The following DNMBP variants were observed in gnomAD, a reference collection of about 807,000 sequenced individuals.
The protein encoded by DNMBP is dynamin binding protein.
Under a neutral mutation model 150.0 loss-of-function variants are expected in DNMBP, and 87 were observed. That is an observed-to-expected ratio of 0.58 (90% CI 0.49 to 0.69). The LOEUF (loss-of-function observed/expected upper bound fraction) is 0.69, where lower values mean the gene tolerates loss of function less well. Ranked by LOEUF, DNMBP falls within the 30% of genes least tolerant of loss-of-function variation. DNMBP has a pLI of 0.00. For synonymous variants in DNMBP, 711 were observed against 750.4 expected (o/e 0.95, Z 0.86); for missense variants, 1,774 against 1,949.0 (o/e 0.91, Z 1.69).
chr10:99,998,562 A>G (rs1377111580), intron 1 of DNMBP, among the ~76,000 whole-genome samples: 1 of 146,200 alleles, frequency 6.8e-6, no homozygotes, highest in African/African-American at 2.6e-5. Flanking sequence ...TTTGGGTGAC[A>G]GAGTGAGACT....
chr10:99,926,599 A>G (rs796427561), intron 4 of DNMBP, among the ~76,000 whole-genome samples: 2 of 152,324 alleles, frequency 1.3e-5, no homozygotes, highest in African/African-American at 4.8e-5. Flanking sequence ...GAAAGCCCAC[A>G]TGGGGCAATC....
intron 1 of DNMBP, among the ~76,000 whole-genome samples, chr10:99,985,622 G>A (rs551327229): frequency 5.8e-4 from 88 of 152,238 alleles, no homozygotes; most frequent in African/African-American, 2.0e-3. Flanking sequence ...TTGGGAATGA[G>A]AATCCATTTA....
chr10:100,000,806 T>C (rs2040999229), intron 1 of DNMBP, among the ~76,000 whole-genome samples: 1 of 140,026 alleles, frequency 7.1e-6, no homozygotes, highest in South Asian at 2.2e-4. Flanking sequence ...ATTTTCTCCT[T>C]GAGGAATTGG....
chr10:99,907,951 G>GT, intron 6 of DNMBP, 44 bp downstream of exon 6: 6 of 1,519,900 alleles, frequency 3.9e-6, no homozygotes, highest in Non-Finnish European at 5.5e-6. Context: ...TGCCCATGAA[G>GT]TTTTTTTAAA....
chr10:99,957,129 G>A lies in DNMBP; in HGVS notation c.345C>T (p.Phe115=). 1 of 1,613,244 alleles carries A rather than the reference G, an allele frequency of 6.2e-7. No homozygotes were observed. The highest frequency in any genetic ancestry group is 8.5e-7 in the Non-Finnish European group (1 of 1,180,008). The change falls in exon 4 of 17, where the codon TTC becomes TTT. Residue 115 remains phenylalanine, a synonymous_variant. Coordinates refer to ENST00000324109, the MANE Select transcript of DNMBP (RefSeq NM_015221.4). The stretch of plus-strand genomic sequence containing the variant: ...GCTCGCGGACACATGAAGATGGGAA[G>A]AAGCCCCGTGCGCCCCAGCAGCTTC... ...QGRSCWGARG[F]FPSSCVRELC...
chr10:99,894,004 ATTC>A (rs1426628186), intron 11 of DNMBP, among the ~76,000 whole-genome samples: 1 of 152,176 alleles, frequency 6.6e-6, no homozygotes, highest in Non-Finnish European at 1.5e-5. Context: ...TTTTAAGGAA[ATTC>A]TTTTATAAGA....
rs1445482366 is a variant in DNMBP, at chr10:99,921,578, G to A, written c.2261-12432C>T. 2.0e-5 allele frequency among the ~76,000 whole-genome samples: 3 copies of A among 152,048 alleles called. No homozygotes were observed. The South Asian group carries it at 6.2e-4, about 31-fold the overall frequency. On this transcript the variant is annotated intron_variant, in intron 4 of 16. Coordinates refer to ENST00000324109, the MANE Select transcript of DNMBP (RefSeq NM_015221.4). ...AATAAATGGCAGCAATTGAGACCAGGTGTGGTGGCCCATGCCTGTAGTCTC... is the reference window on the plus strand; with the variant it reads ...AATAAATGGCAGCAATTGAGACCAGATGTGGTGGCCCATGCCTGTAGTCTC...
At chr10:99,879,407 G>C (rs1327947713) in intron 16 of DNMBP, among the ~76,000 whole-genome samples, 10 of 152,090 alleles carry the variant, frequency 6.6e-5, no homozygotes, top group Admixed American at 6.5e-4. Context: ...AGAGGTGGAG[G>C]TTGCAGTGAG....
chr10:99,918,329 G>A (rs1048424495), intron 4 of DNMBP, among the ~76,000 whole-genome samples: 1 of 152,050 alleles, frequency 6.6e-6, no homozygotes, highest in Non-Finnish European at 1.5e-5. Context: ...AAACTTCAGA[G>A]GTAAATCTAT....
intron 6 of DNMBP, among the ~76,000 whole-genome samples, chr10:99,903,262 T>G (rs1381346577): frequency 6.6e-6 from 1 of 151,908 alleles, no homozygotes; most frequent in Non-Finnish European, 1.5e-5. Flanking sequence ...TTCTGTCTAC[T>G]CCTGCAACCT....
chr10:99,930,069 A>G (rs545733588), intron 4 of DNMBP: 3 of 702,886 alleles, frequency 4.3e-6, no homozygotes, highest in Admixed American at 4.0e-5. Flanking sequence ...ATGGTATTTG[A>G]TAAATTCCTT....
Position 99,956,549 on chromosome 10 carries a change from T to A in DNMBP, c.925A>T (p.Met309Leu). ...LCPDTRVEET[M>L]ALPQEGSLAR... ...AGGCTGCCTTCCTGGGGCAGAGCCA[T>A]GGTTTCCTCCACCCGTGTGTCAGGA... Residue 309 changes from methionine to leucine, a missense_variant, in exon 4 of 17, where the codon ATG (methionine) becomes TTG (leucine). Around this residue, in one of 2 missense-constraint regions of DNMBP, gnomAD observed 344 missense variants for 456.6 expected, o/e 0.75. Transcript: ENST00000324109. The A allele has an allele frequency of 6.2e-7, 1 of 1,614,130 alleles. No homozygotes were observed. Among genetic ancestry groups the A allele is most frequent in the South Asian group, 1.1e-5 (1 of 91,076 alleles).
intron 4 of DNMBP, among the ~76,000 whole-genome samples, chr10:99,951,897 C>T (rs186915652): frequency 8.3e-4 from 126 of 152,142 alleles, no homozygotes; most frequent in Middle Eastern, 3.4e-3. Flanking sequence ...TGAAATGTGA[C>T]GACATGAGAT....
Position 100,001,232 on chromosome 10 carries a change from TTAAAAAAAAAAAAAAAAAA to T in DNMBP, c.-11+8587_-11+8605del, listed in dbSNP as rs1242378131. 1.9e-4 allele frequency among the ~76,000 whole-genome samples: 5 copies of T among 26,922 alleles called. No homozygotes were observed. In the East Asian group the frequency reaches 5.5e-3, roughly 30 times the overall value. 17.7% of individuals were successfully genotyped at this position (26,922 alleles called of 152,430 possible). A position where few individuals can be genotyped will look rare whatever the true frequency, so the allele number is the denominator to read the frequency against. ...GAGGACAGAGCAAGACTCCGTCTCATTAAAAAAAAAAAAAAAAAAAAAAAAAAAAAAAAAAAAAAAGGAT... is the reference window on the plus strand; with the variant it reads ...GAGGACAGAGCAAGACTCCGTCTCATAAAAAAAAAAAAAAAAAAAAAGGAT... On this transcript the variant is annotated intron_variant, in intron 1 of 16. Transcript: ENST00000324109.
chr10:99,918,574 C>CTTCTTTT (rs573358615), intron 4 of DNMBP, among the ~76,000 whole-genome samples: 2 of 137,904 alleles, frequency 1.5e-5, no homozygotes, highest in African/African-American at 5.5e-5. Flanking sequence ...TCTGCAACTT[C>CTTCTTTT]TTTTTTTTTT....
intron 1 of DNMBP, among the ~76,000 whole-genome samples, chr10:99,986,998 C>CA (rs1339978321): frequency 1.3e-5 from 2 of 151,006 alleles, no homozygotes; most frequent in Non-Finnish European, 3.0e-5. Context: ...ACTAAAAATA[C>CA]AAAAAAATTA....
chr10:99,965,051 T>C (rs990784960), intron 3 of DNMBP, among the ~76,000 whole-genome samples: 2 of 152,034 alleles, frequency 1.3e-5, no homozygotes, highest in African/African-American at 4.8e-5. Context: ...TTCACAGACT[T>C]ATCCCAGAAA....
chr10:99,906,445 C>T (rs1219562510), intron 6 of DNMBP, among the ~76,000 whole-genome samples: 1 of 152,086 alleles, frequency 6.6e-6, no homozygotes, highest in Non-Finnish European at 1.5e-5. Flanking sequence ...ATAGGATGTC[C>T]CCTCCCACAC....
At chr10:99,998,606 A>T (rs536090966) in intron 1 of DNMBP, among the ~76,000 whole-genome samples, 1 of 151,720 alleles carries the variant, frequency 6.6e-6, no homozygotes, top group Admixed American at 6.6e-5. Flanking sequence ...AAAGAAACAC[A>T]TTAACTAAAT....
Sources: gnomAD v4.1 joint callset for allele counts (sites outside exome capture counted in the v4.1 genomes callset) on GRCh38, gnomAD v4.1.1 for gene constraint, gnomAD v4.1.1 regional missense constraint, MANE v1.5 for transcripts, NCBI Gene and HGNC (gene_info 2026-07-23, HGNC 2026-07-21) for gene names.